NSMCE1: variants seen among roughly 807,000 people sequenced by gnomAD.
NSMCE1 encodes non-structural maintenance of chromosomes element 1 homolog.
A neutral mutation model predicts 29.6 loss-of-function variants in NSMCE1; 18 were observed. The ratio of observed to expected loss-of-function variants is 0.61; its 90% CI spans 0.42 to 0.90. The LOEUF is 0.90. Among genes scored for constraint, NSMCE1 ranks in the 40% least tolerant of loss-of-function variants. The pLI is 0.00. For missense variants in NSMCE1, 314 were observed against 343.6 expected (o/e 0.91, Z 0.68); for synonymous variants, 124 against 133.4 (o/e 0.93, Z 0.49).
At chr16:27,260,157 C>T (rs1335514740) in intron 1 of NSMCE1, among the ~76,000 whole-genome samples, 1 of 151,994 alleles carries the variant, frequency 6.6e-6, no homozygotes, top group Non-Finnish European at 1.5e-5. Context: ...AGAAGAAATG[C>T]TTCTATCTTT....
At chr16:27,226,110 G>A (rs2083688034) in intron 6 of NSMCE1, 1 of 355,884 alleles carries the variant, frequency 2.8e-6, no homozygotes, top group African/African-American at 2.1e-5. Flanking sequence ...CCTGCACTCA[G>A]ATCCTGCAGG....
intron 2 of NSMCE1, 146 bp from the exon 3 acceptor site, chr16:27,235,445 C>A (rs1596675926): frequency 1.3e-6 from 1 of 799,574 alleles, no homozygotes; most frequent in East Asian, 2.6e-5. Flanking sequence ...GGGTGAACGC[C>A]AATGCCACGT....
At chr16:27,238,409 T>C (rs2083851630) in intron 2 of NSMCE1, among the ~76,000 whole-genome samples, 1 of 152,162 alleles carries the variant, frequency 6.6e-6, no homozygotes, top group Non-Finnish European at 1.5e-5. Context: ...TGTCCTCCCA[T>C]GGCAGCACTT....
intron 4 of NSMCE1, chr16:27,233,944 A>T: frequency 2.0e-6 from 1 of 502,858 alleles, no homozygotes. Flanking sequence ...GCTCTTGCCC[A>T]TCCAGTTGGG....
chr16:27,235,080 C>T (rs2140991457), intron 3 of NSMCE1, 98 bp downstream of exon 3: 6 of 1,170,228 alleles, frequency 5.1e-6, no homozygotes, highest in Non-Finnish European at 7.3e-6. Context: ...TTGCAAAGAA[C>T]TGTCCAAAAG....
chr16:27,226,590 G>T, intron 6 of NSMCE1, 130 bp downstream of exon 6: 2 of 633,496 alleles, frequency 3.2e-6, no homozygotes, highest in Non-Finnish European at 2.8e-6. Context: ...GCCTCCGCCA[G>T]CTCTTGTGGG....
chr16:27,235,063 G>T, intron 3 of NSMCE1, 115 bp downstream of exon 3: 1 of 927,938 alleles, frequency 1.1e-6, no homozygotes, highest in Non-Finnish European at 1.6e-6. Context: ...CATTTGGAGT[G>T]ACTTCTTTGC....
At position 27,268,725 on chromosome 16, in the gene NSMCE1, C is replaced by G. The variant is rs1294330668; in HGVS notation, c.-31G>C. ...ACCCACCAGGGAGCCCAAGCGCATC[C>G]CAGGCCGCGCTAGCGGATACGGTCG... is the stretch of plus-strand genomic sequence containing the variant. On this transcript the variant is annotated 5_prime_UTR_variant, in exon 1 of 8. Transcript: ENST00000361439. The G allele has an allele frequency of 6.5e-6, 1 of 152,824 alleles. No individual in the cohort carries two copies. The highest frequency in any genetic ancestry group is 1.5e-5 in the Non-Finnish European group (1 of 68,110). 9.5% of individuals were successfully genotyped at this position (152,824 alleles called of 1,614,324 possible).
At chr16:27,263,306 A>G (rs570835138) in intron 1 of NSMCE1, among the ~76,000 whole-genome samples, 48 of 152,354 alleles carry the variant, frequency 3.2e-4, no homozygotes, top group African/African-American at 8.2e-4. Context: ...ATGCCCATCA[A>G]TGACAGACTG....
chr16:27,258,375 G>A (rs1410937973), intron 1 of NSMCE1, among the ~76,000 whole-genome samples: 4 of 152,246 alleles, frequency 2.6e-5, no homozygotes, highest in Non-Finnish European at 4.4e-5. Flanking sequence ...ACTGAGACCA[G>A]AAAGTCCCAG....
intron 5 of NSMCE1, among the ~76,000 whole-genome samples, chr16:27,227,787 T>C (rs999446976): frequency 1.9e-4 from 14 of 74,366 alleles, no homozygotes; most frequent in East Asian, 6.7e-4. Context: ...TCTTTTCTTT[T>C]TTTTTTTTTT....
chr16:27,239,464 A>T (rs1471760628), intron 2 of NSMCE1, among the ~76,000 whole-genome samples: 1 of 152,258 alleles, frequency 6.6e-6, no homozygotes, highest in East Asian at 1.9e-4. Context: ...TGCGGAATAA[A>T]GTCCGTATGG....
At chr16:27,265,566 C>T (rs185652018) in intron 1 of NSMCE1, among the ~76,000 whole-genome samples, 7 of 152,296 alleles carry the variant, frequency 4.6e-5, no homozygotes. Context: ...CTTACAGAAA[C>T]TTCCACATTT....
At chr16:27,251,183 TATATATAAATATATATATATATATAA>T (rs1285507514) in intron 2 of NSMCE1, among the ~76,000 whole-genome samples, 5 of 52,632 alleles carry the variant, frequency 9.5e-5, no homozygotes, top group African/African-American at 6.1e-4. Context: ...TATATATATA[TATATATAAATATATATATATATATAA>T]AACTCTGTAG....
At chr16:27,248,617 G>A (rs1006975814) in intron 2 of NSMCE1, among the ~76,000 whole-genome samples, 1 of 151,730 alleles carries the variant, frequency 6.6e-6, no homozygotes. Context: ...CACCCTGTTG[G>A]TCAGGATGAT....
At chr16:27,245,685 T>C (rs1414461532) in intron 2 of NSMCE1, among the ~76,000 whole-genome samples, 1 of 152,206 alleles carries the variant, frequency 6.6e-6, no homozygotes, top group African/African-American at 2.4e-5. Flanking sequence ...GTCAATTCTG[T>C]ATGTTGAGAA....
chr16:27,261,764 GA>G (rs1409511170), intron 1 of NSMCE1, among the ~76,000 whole-genome samples: 1 of 152,078 alleles, frequency 6.6e-6, no homozygotes, highest in African/African-American at 2.4e-5. Flanking sequence ...CAAAAGAAAG[GA>G]AAATTACAAG....
At chr16:27,245,846 G>A (rs1234509855) in intron 2 of NSMCE1, among the ~76,000 whole-genome samples, 1 of 152,098 alleles carries the variant, frequency 6.6e-6, no homozygotes, top group Admixed American at 6.6e-5. Context: ...TTGCCAAAGG[G>A]GAGATCTATA....
chr16:27,227,524 C>T (rs1298275548), intron 5 of NSMCE1, among the ~76,000 whole-genome samples: 1 of 152,278 alleles, frequency 6.6e-6, no homozygotes, highest in Non-Finnish European at 1.5e-5. Flanking sequence ...CTCCCCAGGC[C>T]GACCCTACTG....
Sources: allele counts gnomAD v4.1 joint callset (sites outside exome capture counted in the v4.1 genomes callset), GRCh38; gene constraint gnomAD v4.1.1; transcripts MANE v1.5; gene names NCBI Gene and HGNC (gene_info 2026-07-23, HGNC 2026-07-21).